Variants in ITGAL observed in about 807,000 individuals in gnomAD.
ITGAL encodes the protein integrin alpha-L.
A neutral mutation model predicts 138.4 loss-of-function variants in ITGAL; 68 were observed. The ratio of observed to expected loss-of-function variants is 0.49; its 90% confidence interval spans 0.40 to 0.60. The LOEUF is 0.60. Among genes scored for constraint, ITGAL ranks in the 20% least tolerant of loss-of-function variants. The probability of loss-of-function intolerance (pLI) is 0.00; values close to 1 mark genes in which losing one functional copy is unlikely to be tolerated. For synonymous variants in ITGAL, 561 were observed against 584.3 expected, an observed-to-expected ratio of 0.96 and a Z score of 0.57; for missense variants, 1,256 against 1,478.6, an observed-to-expected ratio of 0.85 and a Z score of 2.47.
chr16:30,507,006 G>A lies in ITGAL; in HGVS notation c.2508+150G>A. 5 of 824,938 alleles carry A rather than the reference G, an allele frequency of 6.1e-6. No homozygotes were observed. In the South Asian group the frequency reaches 8.3e-5, roughly 14 times the overall value. The allele number at this position is 824,938 out of a possible 1,614,324, so 51.1% of individuals were successfully genotyped here. On this transcript the variant is annotated intron_variant, in intron 21 of 30. Transcript: ENST00000356798. ...GTCATATCTGGGTTCCCAGCCTCGA[G>A]CTGTATGATCCGAGGTACCAGGTTT...
Position 30,509,900 on chromosome 16 carries a change from A to T in ITGAL, c.2509-461A>T, listed in dbSNP as rs367980518. On this transcript the variant is annotated intron_variant, in intron 21 of 30. Transcript: ENST00000356798. ...CTAAAAATACAAAAATTAGCTGGACATGGTGGCACATCCCTGTAGTCCCAG... is the reference window on the plus strand; with the variant it reads ...CTAAAAATACAAAAATTAGCTGGACTTGGTGGCACATCCCTGTAGTCCCAG... 2.0e-5 allele frequency among the ~76,000 whole-genome samples: 3 copies of T among 151,900 alleles called. No individual in the cohort carries two copies. In the East Asian group the frequency reaches 5.8e-4, roughly 29 times the overall value.
chr16:30,517,231 C>A (rs1243052078), intron 26 of ITGAL, 145 bp downstream of exon 26: 4 of 626,920 alleles, frequency 6.4e-6, no homozygotes, highest in African/African-American at 3.7e-5. Context: ...GTGGGAGAAT[C>A]CATTGAGGCC....
chr16:30,511,567 C>T (rs1477163884), intron 24 of ITGAL, among the ~76,000 whole-genome samples: 1 of 152,178 alleles, frequency 6.6e-6, no homozygotes, highest in Non-Finnish European at 1.5e-5. Flanking sequence ...TGAGCTTCAG[C>T]CTGTCTGACT....
intron 22 of ITGAL, 45 bp from the exon 23 acceptor site, chr16:30,510,836 T>A: frequency 6.8e-7 from 1 of 1,464,432 alleles, no homozygotes; most frequent in Non-Finnish European, 9.6e-7. Context: ...ATGAGGCTGC[T>A]CCTCATGACC....
At chr16:30,479,588 C>T in intron 6 of ITGAL, 127 bp downstream of exon 6, 1 of 790,296 alleles carries the variant, frequency 1.3e-6, no homozygotes, top group Non-Finnish European at 2.0e-6. Flanking sequence ...AACTGGGCCT[C>T]TGGAAGGGAC....
At chr16:30,491,434 C>T (rs1597078612) in intron 11 of ITGAL, among the ~76,000 whole-genome samples, 1 of 151,844 alleles carries the variant, frequency 6.6e-6, no homozygotes, top group African/African-American at 2.4e-5. Flanking sequence ...AGTTTAATCT[C>T]TAGTTAGACA....
At chr16:30,479,270 A>G (rs1468772158) in intron 5 of ITGAL, 61 bp from the exon 6 acceptor site, 12 of 1,613,222 alleles carry the variant, frequency 7.4e-6, no homozygotes, top group Admixed American at 1.7e-5. Flanking sequence ...AGAGAGAACC[A>G]GCATGGGCAG....
At chr16:30,484,679 G>A (rs2151147806) in intron 9 of ITGAL, among the ~76,000 whole-genome samples, 1 of 152,078 alleles carries the variant, frequency 6.6e-6, no homozygotes, top group Non-Finnish European at 1.5e-5. Flanking sequence ...AGCACTTTGG[G>A]AGGCTGAGGT....
chr16:30,521,635 G>A lies in ITGAL; in HGVS notation c.3483G>A (p.Lys1161=), dbSNP rs558796664. ...DPGCLKPLHE[K]DSESGGGKD ...GCTGCCTGAAGCCCCTCCATGAGAA[G>A]GACTCTGAGAGTGGTGGTGGCAAGG... The change falls in exon 31 of 31, where the codon AAG becomes AAA. Residue 1161 remains lysine (K), a synonymous_variant. Coordinates refer to ENST00000356798, the MANE Select transcript of ITGAL (RefSeq NM_002209.3). The A allele has an allele frequency of 6.2e-6, 10 of 1,613,984 alleles. No homozygotes were observed. The highest frequency in any genetic ancestry group is 7.6e-6 in the Non-Finnish European group (9 of 1,180,042).
chr16:30,494,073 T>A lies in ITGAL; in HGVS notation c.1214-139T>A. The A allele has an allele frequency of 1.4e-6, 1 of 696,076 alleles. No individual in the cohort carries two copies. The highest frequency in any genetic ancestry group is 2.4e-6 in the Non-Finnish European group (1 of 416,114). 43.1% of individuals were successfully genotyped at this position (696,076 alleles called of 1,614,324 possible). On this transcript the variant is annotated intron_variant, in intron 11 of 30. Coordinates refer to ENST00000356798, the MANE Select transcript of ITGAL (RefSeq NM_002209.3). The surrounding 1 kb of genome is among the most constrained non-coding windows in gnomAD (Gnocchi z 4.2). ...TGTTTGGCTGGGAGCACATGGATGCTTTTCTCAGGAGAAGGTCTTCAGCTG... is the reference window on the plus strand; with the variant it reads ...TGTTTGGCTGGGAGCACATGGATGCATTTCTCAGGAGAAGGTCTTCAGCTG...
intron 4 of ITGAL, chr16:30,477,095 C>T (rs1198477444): frequency 6.6e-6 from 1 of 152,216 alleles, no homozygotes; most frequent in African/African-American, 2.4e-5. Flanking sequence ...CATTTGATCC[C>T]AAGTTCATTG....
chr16:30,486,082 TG>T (rs1418426167), intron 9 of ITGAL, among the ~76,000 whole-genome samples: 1 of 152,160 alleles, frequency 6.6e-6, no homozygotes, highest in Non-Finnish European at 1.5e-5. Flanking sequence ...ATTTATATTG[TG>T]GTCACCAGAT....
At position 30,479,146 on chromosome 16, in the gene ITGAL, T is replaced by C; in HGVS notation, c.383T>C (p.Leu128Pro). The change falls in exon 5 of 31, where the codon CTG becomes CCG. Residue 128 changes from leucine to proline, a missense_variant. By Grantham distance (98) the Leu-to-Pro change is moderately conservative (BLOSUM62 -3). Transcript: ENST00000356798. ...GACCAGAACACCTATCTGAGTGGCC[T>C]GTGTTACCTCTTCCGCCAGAATCTG... Reference protein sequence around the residue: ...TCDQNTYLSGLCYLFRQNLQG... With the variant: ...TCDQNTYLSGPCYLFRQNLQG... The C allele has an allele frequency of 6.2e-7, 1 of 1,614,142 alleles. No homozygotes were observed. The highest frequency in any genetic ancestry group is 8.5e-7 in the Non-Finnish European group (1 of 1,180,002).
chr16:30,496,000 G>A (rs900809116), intron 13 of ITGAL, 97 bp from the exon 14 acceptor site: 28 of 998,808 alleles, frequency 2.8e-5, no homozygotes, highest in Non-Finnish European at 4.1e-5. Context: ...ATTCTGTGAG[G>A]GACCCCATCT....
Position 30,494,407 on chromosome 16 carries a change from A to G in ITGAL, c.1365+44A>G, listed in dbSNP as rs535631349. Reference sequence around the variant, plus strand: ...CATCTGCAGACCAGGGACTGGCGGGACACACATCACACTCCCTTCTGTCCT... The same window carrying G: ...CATCTGCAGACCAGGGACTGGCGGGGCACACATCACACTCCCTTCTGTCCT... On this transcript the variant is annotated intron_variant, in intron 12 of 30. Coordinates refer to ENST00000356798, the MANE Select transcript of ITGAL (RefSeq NM_002209.3). This position sits in a 1 kb window ranked among gnomAD's most constrained non-coding sequence, Gnocchi z 4.2. The G allele has an allele frequency of 4.8e-5, 75 of 1,548,394 alleles. 1 individual carries two copies. The highest frequency in any genetic ancestry group is 2.4e-4 in the South Asian group (20 of 84,830).
At chr16:30,489,487 C>A in intron 11 of ITGAL, 101 bp downstream of exon 11, 1 of 1,158,866 alleles carries the variant, frequency 8.6e-7, no homozygotes, top group Non-Finnish European at 1.3e-6. Context: ...AAGCAACCAG[C>A]ATGAACAAAG....
chr16:30,517,729 C>T (rs371068179), intron 27 of ITGAL, 24 bp downstream of exon 27: 25 of 1,613,126 alleles, frequency 1.5e-5, no homozygotes, highest in Non-Finnish European at 2.0e-5. Flanking sequence ...AGCTGAGAGA[C>T]GGTGGGGCTG....
At chr16:30,506,262 T>A (rs372870455) in intron 20 of ITGAL, among the ~76,000 whole-genome samples, 1,475 of 111,052 alleles carry the variant, frequency 0.013, no homozygotes, top group Middle Eastern at 0.029. Context: ...TCTGTCTCAA[T>A]AAAAAAAAAA....
At chr16:30,516,666 C>T (rs1178990384) in intron 25 of ITGAL, among the ~76,000 whole-genome samples, 1 of 152,168 alleles carries the variant, frequency 6.6e-6, no homozygotes, top group Non-Finnish European at 1.5e-5. Flanking sequence ...ACTGTGGGAG[C>T]CCAGGAGGGG....
Sources: gnomAD v4.1 joint callset for allele counts (sites outside exome capture counted in the v4.1 genomes callset) on GRCh38, gnomAD v4.1.1 for gene constraint, Gnocchi (gnomAD v3.1) non-coding constraint, MANE v1.5 for transcripts, NCBI Gene and HGNC (gene_info 2026-07-23, HGNC 2026-07-21) for gene names.